NRG3: variants seen among roughly 807,000 people sequenced by gnomAD.
The protein encoded by NRG3 is pro-neuregulin-3, membrane-bound isoform.
A neutral mutation model predicts 66.9 loss-of-function variants in NRG3; 31 were observed. That is an observed-to-expected ratio of 0.46 (90% CI 0.35 to 0.63). The LOEUF (loss-of-function observed/expected upper bound fraction) is 0.63. Among genes scored for constraint, NRG3 ranks in the 20% least tolerant of loss-of-function variants. The pLI, the probability that NRG3 is intolerant of heterozygous loss-of-function variation, is 0.00. For missense variants in NRG3, 910 were observed against 878.9 expected, an observed-to-expected ratio of 1.04 and a Z score of -0.45; for synonymous variants, 393 against 359.4, an observed-to-expected ratio of 1.09 and a Z score of -1.06.
intron 2 of NRG3, among the ~76,000 whole-genome samples, chr10:82,469,212 T>C (rs2132036992): frequency 6.6e-6 from 1 of 152,312 alleles, no homozygotes; most frequent in South Asian, 2.1e-4. Context: ...CCCTTTTCCC[T>C]CCCTTCCTTC....
chr10:82,460,103 C>A (rs1034896802), intron 2 of NRG3, among the ~76,000 whole-genome samples: 1 of 152,130 alleles, frequency 6.6e-6, no homozygotes, highest in Admixed American at 6.5e-5. Flanking sequence ...TTTACAAGCC[C>A]GTTCCATTAC....
At chr10:82,297,111 G>A (rs2134697600) in intron 1 of NRG3, among the ~76,000 whole-genome samples, 1 of 152,210 alleles carries the variant, frequency 6.6e-6, no homozygotes, top group South Asian at 2.1e-4. Context: ...CAAATGAAAT[G>A]ACTTTATTCT....
chr10:82,733,945 G>T (rs2058038776), intron 2 of NRG3, among the ~76,000 whole-genome samples: 1 of 152,222 alleles, frequency 6.6e-6, no homozygotes, highest in Admixed American at 6.5e-5. Context: ...AGGTGGCCAG[G>T]ATAATCACTT....
intron 1 of NRG3, among the ~76,000 whole-genome samples, chr10:82,210,579 A>T (rs1026053958): frequency 4.6e-5 from 7 of 152,152 alleles, no homozygotes; most frequent in Non-Finnish European, 1.5e-5. Flanking sequence ...GGGCTGAATA[A>T]TTCATGATGC....
intron 2 of NRG3, among the ~76,000 whole-genome samples, chr10:82,479,227 A>G (rs955998314): frequency 2.0e-5 from 3 of 152,142 alleles, no homozygotes; most frequent in Non-Finnish European, 4.4e-5. Flanking sequence ...TTGATCCTCA[A>G]TTTCTTTGTC....
chr10:82,575,213 A>C (rs896954067), intron 2 of NRG3, among the ~76,000 whole-genome samples: 1 of 151,796 alleles, frequency 6.6e-6, no homozygotes. Context: ...AATAGAAAAC[A>C]AAAACAAATC....
chr10:82,646,282 G>C (rs1191100669), intron 2 of NRG3, among the ~76,000 whole-genome samples: 2 of 152,152 alleles, frequency 1.3e-5, no homozygotes, highest in Non-Finnish European at 2.9e-5. Context: ...AATGAGGTAA[G>C]ATGGAGATGG....
chr10:82,503,384 G>C (rs1190337972), intron 2 of NRG3, among the ~76,000 whole-genome samples: 2 of 152,102 alleles, frequency 1.3e-5, no homozygotes, highest in African/African-American at 4.8e-5. Context: ...AAGGAACTTT[G>C]GTAGTAGAAA....
chr10:82,851,620 T>C (rs2063563438), intron 3 of NRG3, among the ~76,000 whole-genome samples: 1 of 152,170 alleles, frequency 6.6e-6, no homozygotes. Flanking sequence ...CTCTCTCTCT[T>C]TTTATTGCCA....
intron 2 of NRG3, among the ~76,000 whole-genome samples, chr10:82,713,119 CAAAAAAAAAAAAAAAAA>C (rs369968319): frequency 7.2e-5 from 4 of 55,364 alleles, no homozygotes; most frequent in African/African-American, 1.5e-4. Flanking sequence ...GACTTCATCT[CAAAAAAAAAAAAAAAAA>C]AAAAAAAAAA....
chr10:82,454,700 AAAG>A (rs1281176408), intron 2 of NRG3, among the ~76,000 whole-genome samples: 3 of 152,218 alleles, frequency 2.0e-5, no homozygotes, highest in Non-Finnish European at 4.4e-5. Flanking sequence ...TAAAACTACA[AAAG>A]AAGCAGAAAA....
At chr10:82,926,174 A>G (rs1245090225) in intron 4 of NRG3, among the ~76,000 whole-genome samples, 3 of 152,252 alleles carry the variant, frequency 2.0e-5, no homozygotes, top group Admixed American at 1.3e-4. Context: ...CATATGCCAA[A>G]TATATCAAAT....
At chr10:82,377,202 C>T (rs1010246012) in intron 2 of NRG3, among the ~76,000 whole-genome samples, 7 of 152,106 alleles carry the variant, frequency 4.6e-5, no homozygotes, top group East Asian at 3.9e-4. Flanking sequence ...GAATATTAAG[C>T]GATCGAATAA....
chr10:82,612,434 A>G (rs1169831994), intron 2 of NRG3, among the ~76,000 whole-genome samples: 1 of 152,104 alleles, frequency 6.6e-6, no homozygotes, highest in East Asian at 1.9e-4. Context: ...TTAAATTTAA[A>G]ATAAATTTGC....
intron 3 of NRG3, among the ~76,000 whole-genome samples, chr10:82,746,351 C>A (rs1484873607): frequency 6.6e-6 from 1 of 152,160 alleles, no homozygotes; most frequent in Admixed American, 6.5e-5. Context: ...CCACTCTACC[C>A]ACTCTACCCG....
intron 1 of NRG3, among the ~76,000 whole-genome samples, chr10:82,217,370 A>G (rs2075740226): frequency 6.6e-6 from 1 of 152,140 alleles, no homozygotes; most frequent in African/African-American, 2.4e-5. Flanking sequence ...GACCTACAAC[A>G]TTAGGACCAC....
intron 4 of NRG3, among the ~76,000 whole-genome samples, chr10:82,925,925 C>G (rs186623500): frequency 6.6e-6 from 1 of 152,222 alleles, no homozygotes; most frequent in Admixed American, 6.5e-5. Flanking sequence ...GCAAGCAGGG[C>G]AGGCTGCCAT....
chr10:81,918,948 CATT>C (rs992109349), intron 1 of NRG3, among the ~76,000 whole-genome samples: 1 of 145,458 alleles, frequency 6.9e-6, no homozygotes, highest in African/African-American at 2.6e-5. Context: ...TATTTCAAAT[CATT>C]AACTACTATT....
At chr10:82,891,026 C>T (rs1324981790) in intron 4 of NRG3, among the ~76,000 whole-genome samples, 2 of 151,968 alleles carry the variant, frequency 1.3e-5, no homozygotes, top group South Asian at 2.1e-4. Context: ...CAACTTGTAG[C>T]TTTACAATAA....
Sources: gnomAD v4.1 joint callset for allele counts (sites outside exome capture counted in the v4.1 genomes callset) on GRCh38, gnomAD v4.1.1 for gene constraint, MANE v1.5 for transcripts, NCBI Gene and HGNC (gene_info 2026-07-23, HGNC 2026-07-21) for gene names.